The following FGF14 variants were observed in gnomAD, a reference collection of about 807,000 sequenced individuals.
The protein encoded by FGF14 is fibroblast growth factor homologous factor 4.
Under a neutral mutation model 25.5 loss-of-function variants are expected in FGF14, and 5 were observed. That is an observed-to-expected ratio of 0.20 (90% CI 0.10 to 0.41). The LOEUF (loss-of-function observed/expected upper bound fraction) is 0.41, where lower values mean the gene tolerates loss of function less well. FGF14 is among the 10% of genes least tolerant of loss of function. FGF14 has a pLI of 1.00. For missense variants in FGF14, 222 were observed against 320.1 expected (o/e 0.69, Z 2.34); for synonymous variants, 138 against 118.3 (o/e 1.17, Z -1.08).
chr13:102,244,071 G>A (rs2051736388), intron 1 of FGF14, among the ~76,000 whole-genome samples: 1 of 151,994 alleles, frequency 6.6e-6, no homozygotes, highest in Non-Finnish European at 1.5e-5. Context: ...TTACCTATGT[G>A]ATTCCTTCAA....
chr13:102,324,031 G>T (rs1207118255), intron 1 of FGF14, among the ~76,000 whole-genome samples: 1 of 151,154 alleles, frequency 6.6e-6, no homozygotes, highest in Non-Finnish European at 1.5e-5. Flanking sequence ...TGTTGTATGT[G>T]AGCACAGGCA....
chr13:102,022,199 C>G (rs987613405), intron 1 of FGF14, among the ~76,000 whole-genome samples: 5 of 152,030 alleles, frequency 3.3e-5, no homozygotes, highest in Non-Finnish European at 7.4e-5. Context: ...AGAAATAGCC[C>G]TCTATTCTTT....
At chr13:102,233,948 C>A (rs1024600287) in intron 1 of FGF14, among the ~76,000 whole-genome samples, 4 of 152,196 alleles carry the variant, frequency 2.6e-5, no homozygotes, top group Admixed American at 1.3e-4. Context: ...CCATATTTGA[C>A]TACTATATGG....
intron 1 of FGF14, among the ~76,000 whole-genome samples, chr13:102,336,967 C>T (rs2056806233): frequency 6.6e-6 from 1 of 152,158 alleles, no homozygotes; most frequent in South Asian, 2.1e-4. Flanking sequence ...ATTGACAATG[C>T]ACCTAGTCAC....
chr13:101,977,908 C>A (rs1473769576), intron 1 of FGF14, among the ~76,000 whole-genome samples: 3 of 148,766 alleles, frequency 2.0e-5, no homozygotes, highest in African/African-American at 5.0e-5. Flanking sequence ...TAAATGGAAA[C>A]TTCAGTAATG....
intron 3 of FGF14, among the ~76,000 whole-genome samples, chr13:101,763,293 G>A (rs1229550232): frequency 6.6e-6 from 1 of 152,088 alleles, no homozygotes; most frequent in Non-Finnish European, 1.5e-5. Context: ...TAAGGCAAGG[G>A]GTGCTCTCTG....
intron 1 of FGF14, among the ~76,000 whole-genome samples, chr13:101,928,110 T>A (rs992221477): frequency 3.9e-5 from 6 of 152,208 alleles, no homozygotes; most frequent in Admixed American, 6.5e-5. Flanking sequence ...TGTGGAGTTC[T>A]GGATGACCAC....
At chr13:102,167,331 A>AG (rs2048059078) in intron 1 of FGF14, among the ~76,000 whole-genome samples, 1 of 151,184 alleles carries the variant, frequency 6.6e-6, no homozygotes, top group South Asian at 2.1e-4. Flanking sequence ...AAAAAAAAAA[A>AG]AAAGGAAATT....
At chr13:102,222,646 T>C (rs888631136) in intron 1 of FGF14, among the ~76,000 whole-genome samples, 4 of 152,206 alleles carry the variant, frequency 2.6e-5, no homozygotes, top group Non-Finnish European at 5.9e-5. Flanking sequence ...AATAGCTTGT[T>C]CTACTACTTC....
At chr13:102,042,779 G>A (rs2041804664) in intron 1 of FGF14, among the ~76,000 whole-genome samples, 1 of 152,206 alleles carries the variant, frequency 6.6e-6, no homozygotes, top group African/African-American at 2.4e-5. Flanking sequence ...CATGTTTTTA[G>A]TGAGTGAGTC....
At chr13:101,994,792 C>T (rs1445331979) in intron 1 of FGF14, among the ~76,000 whole-genome samples, 2 of 151,820 alleles carry the variant, frequency 1.3e-5, no homozygotes, top group Admixed American at 6.6e-5. Context: ...AATCTAAGCC[C>T]CCGAGTTAAT....
At chr13:102,265,425 A>G (rs1451393346) in intron 1 of FGF14, among the ~76,000 whole-genome samples, 1 of 152,158 alleles carries the variant, frequency 6.6e-6, no homozygotes, top group Non-Finnish European at 1.5e-5. Context: ...GGTGAAAAAT[A>G]ATAGCGCATC....
intron 3 of FGF14, among the ~76,000 whole-genome samples, chr13:101,751,944 CAAA>C (rs942305173): frequency 1.3e-5 from 2 of 151,500 alleles, no homozygotes; most frequent in South Asian, 2.1e-4. Context: ...AACAAACAAA[CAAA>C]AAAAACAACT....
chr13:101,856,299 C>T (rs940032429), intron 3 of FGF14, among the ~76,000 whole-genome samples: 13 of 151,808 alleles, frequency 8.6e-5, no homozygotes, highest in Admixed American at 3.9e-4. Flanking sequence ...ATATAGATTT[C>T]TAATTGATAT....
chr13:102,022,206 C>A (rs940972813), intron 1 of FGF14, among the ~76,000 whole-genome samples: 6 of 151,958 alleles, frequency 3.9e-5, no homozygotes, highest in Admixed American at 1.3e-4. Context: ...GCCCTCTATT[C>A]TTTAAAGGAC....
intron 1 of FGF14, among the ~76,000 whole-genome samples, chr13:102,158,603 T>C (rs1235417709): frequency 6.6e-6 from 1 of 151,918 alleles, no homozygotes; most frequent in Non-Finnish European, 1.5e-5. Context: ...CACACCAACG[T>C]GGCACATGTA....
In FGF14 at chr13:102,180,387, A is replaced by T. The variant is rs913119567; in HGVS notation, c.208+221084T>A. On this transcript the variant is annotated intron_variant, in intron 1 of 4. Transcript: ENST00000376131. ...GATTACAGTGGCACAATCTCAGCTC[A>T]CTGCAACCTTTGCCTCCTGGGTTCA... 3.3e-5 allele frequency among the ~76,000 whole-genome samples: 5 copies of T among 152,226 alleles called. No individual in the cohort carries two copies. The East Asian group carries it at 7.8e-4, about 24-fold the overall frequency.
chr13:102,262,994 T>A lies in FGF14; in HGVS notation c.208+138477A>T, dbSNP rs1594630233. ...TCAGCTTGATATGGTAACATGATTG[T>A]GACCTTCAGACAGCATAAATATGTG... On this transcript the variant is annotated intron_variant, in intron 1 of 4. Coordinates refer to the FGF14 transcript ENST00000376131. 7.7e-6 allele frequency: 4 copies of A among 520,136 alleles called. No homozygotes were observed. The South Asian group carries it at 9.2e-5, about 12-fold the overall frequency. 32.2% of individuals were successfully genotyped at this position (520,136 alleles called of 1,614,324 possible).
chr13:101,874,568 T>C (rs1354906092), intron 2 of FGF14, among the ~76,000 whole-genome samples: 3 of 151,980 alleles, frequency 2.0e-5, no homozygotes, highest in East Asian at 1.9e-4. Context: ...CATAAAGAAA[T>C]AGGAAAAAGA....
Sources: allele counts gnomAD v4.1 joint callset (sites outside exome capture counted in the v4.1 genomes callset), GRCh38; gene constraint gnomAD v4.1.1; transcripts MANE v1.5; gene names NCBI Gene and HGNC (gene_info 2026-07-23, HGNC 2026-07-21).